SCN9A: variants seen among roughly 807,000 people sequenced by gnomAD.
SCN9A encodes the protein sodium voltage-gated channel alpha subunit 9, also known as sodium channel protein type 9 subunit alpha.
In SCN9A, 131 loss-of-function variants were observed where a neutral mutation model predicts 187.0. The ratio of observed to expected loss-of-function variants is 0.70; its 90% CI spans 0.61 to 0.81. SCN9A has a LOEUF of 0.81. Ranked by LOEUF, SCN9A falls within the 30% of genes least tolerant of loss-of-function variation. The probability of loss-of-function intolerance (pLI) is 0.00; values close to 1 mark genes in which losing one functional copy is unlikely to be tolerated. For missense variants in SCN9A, 2,252 were observed against 2,396.6 expected (o/e 0.94, Z 1.26); for synonymous variants, 809 against 808.6 (o/e 1.00, Z -0.01).
intron 1 of SCN9A, among the ~76,000 whole-genome samples, chr2:166,353,578 G>A (rs933614472): frequency 2.6e-5 from 4 of 152,100 alleles, no homozygotes; most frequent in Non-Finnish European, 5.9e-5. Flanking sequence ...TCCTCATAAT[G>A]TTCCCTTTAT....
chr2:166,302,005 A>G (rs1698574925), intron 7 of SCN9A: 1 of 150,888 alleles, frequency 6.6e-6, no homozygotes, highest in Admixed American at 6.6e-5. Flanking sequence ...ATTTGATTTT[A>G]TTTATCACAG....
At position 166,204,085 on chromosome 2, in the gene SCN9A, A is replaced by T. The variant is rs760223644; in HGVS notation, c.4644T>A (p.Tyr1548Ter). The T allele has an allele frequency of 6.2e-7, 1 of 1,612,674 alleles. No homozygotes were observed. The highest frequency in any genetic ancestry group is 8.5e-7 in the Non-Finnish European group (1 of 1,179,162). ...GGATTATAAAAACCACATTTATCCAATATAAAACTTCAGTCATATGTTGAC... is the reference window on the plus strand; with the variant it reads ...GGATTATAAAAACCACATTTATCCATTATAAAACTTCAGTCATATGTTGAC... ...GQSQHMTEVL[Y>*]WINVVFIILF... Residue 1548 changes from tyrosine to a stop codon, truncating the protein, a stop_gained, in exon 26 of 27, where the codon TAT becomes TAA. Transcript: ENST00000642356. LOFTEE classifies it high-confidence loss of function.
chr2:166,218,391 C>T (rs1348533352), intron 24 of SCN9A, among the ~76,000 whole-genome samples: 1 of 151,374 alleles, frequency 6.6e-6, no homozygotes, highest in Admixed American at 6.7e-5. Flanking sequence ...CACATGTACC[C>T]TAGAACTTAA....
chr2:166,206,529 T>A (rs1198314598), intron 24 of SCN9A, among the ~76,000 whole-genome samples: 1 of 151,976 alleles, frequency 6.6e-6, no homozygotes, highest in Non-Finnish European at 1.5e-5. Flanking sequence ...TTGGGAGCTT[T>A]GGGAGGGATT....
chr2:166,202,879 T>C (rs958038079), intron 26 of SCN9A, among the ~76,000 whole-genome samples: 2 of 151,844 alleles, frequency 1.3e-5, no homozygotes, highest in African/African-American at 4.8e-5. Flanking sequence ...ACAAGTTCTT[T>C]CATTATATGA....
rs1442097437 is a variant in SCN9A, at chr2:166,293,388, A to G, written c.966-16T>C. The G allele has an allele frequency of 6.3e-7, 1 of 1,593,126 alleles. No individual in the cohort carries two copies. The highest frequency in any genetic ancestry group is 1.1e-5 in the South Asian group (1 of 87,068). On this transcript the variant is annotated splice_polypyrimidine_tract_variant and intron_variant, in intron 8 of 26. Transcript: ENST00000642356. ...TGGACACTGACTACACACGAGAAAG[A>G]ACATTATAGGTGAGAGTGTCTTCAG...
intron 26 of SCN9A, among the ~76,000 whole-genome samples, chr2:166,203,638 T>C (rs960230502): frequency 1.3e-5 from 2 of 151,962 alleles, no homozygotes; most frequent in East Asian, 1.9e-4. Flanking sequence ...AGATTCAACA[T>C]TGGTTTTCCA....
intron 24 of SCN9A, among the ~76,000 whole-genome samples, chr2:166,223,042 A>G (rs184573706): frequency 2.2e-3 from 298 of 134,570 alleles, no homozygotes; most frequent in African/African-American, 7.8e-3. Flanking sequence ...AACAAAAACA[A>G]AAACCACCCA....
chr2:166,201,415 T>C (rs1019732847), intron 26 of SCN9A, among the ~76,000 whole-genome samples: 3 of 146,758 alleles, frequency 2.0e-5, no homozygotes, highest in Non-Finnish European at 4.5e-5. Context: ...ATATAGCATA[T>C]AGTATGCATA....
At chr2:166,333,806 T>C (rs1699566912) in intron 1 of SCN9A, among the ~76,000 whole-genome samples, 1 of 152,014 alleles carries the variant, frequency 6.6e-6, no homozygotes. Flanking sequence ...ATAAAATACA[T>C]TTCAAAATAT....
rs1693272557 is a variant in SCN9A at position 166,197,260 on chromosome 2, C to A, written c.*1412G>T. The A allele has an allele frequency of 6.6e-6, 1 of 152,010 alleles. No homozygotes were observed. The highest frequency in any genetic ancestry group is 2.4e-5 in the African/African-American group (1 of 41,426). The allele number at this position is 152,010 out of a possible 1,614,324, so 9.4% of individuals were successfully genotyped here. On this transcript the variant is annotated 3_prime_UTR_variant, in exon 27 of 27. Coordinates refer to ENST00000642356, the MANE Select transcript of SCN9A (RefSeq NM_001365536.1). ...ACGAAAAAAAGCATTATGGTTATTT[C>A]TTTTCAAATTACTATTAATAGGTGT...
intron 15 of SCN9A, 64 bp downstream of exon 15, chr2:166,278,076 A>G: frequency 7.4e-7 from 1 of 1,348,606 alleles, no homozygotes. Context: ...TTTTAAAAAT[A>G]ATGCAAAACC....
chr2:166,283,493 G>A (rs535002448), intron 12 of SCN9A, among the ~76,000 whole-genome samples: 3 of 152,156 alleles, frequency 2.0e-5, no homozygotes, highest in Non-Finnish European at 2.9e-5. Context: ...ATGCAGCATA[G>A]CATAGTGAGT....
At chr2:166,222,957 A>AAAC (rs1558960912) in intron 24 of SCN9A, among the ~76,000 whole-genome samples, 6 of 146,224 alleles carry the variant, frequency 4.1e-5, no homozygotes, top group Non-Finnish European at 9.0e-5. Context: ...AAAAAAAAAA[A>AAAC]AAAAAAAAAA....
intron 17 of SCN9A, among the ~76,000 whole-genome samples, chr2:166,266,578 T>C (rs2106450105): frequency 6.7e-6 from 1 of 148,986 alleles, no homozygotes; most frequent in Non-Finnish European, 1.5e-5. Context: ...GTTAGGACTT[T>C]TTTTTTTTTT....
intron 24 of SCN9A, among the ~76,000 whole-genome samples, chr2:166,221,881 CA>C: frequency 6.6e-6 from 1 of 152,156 alleles, no homozygotes; most frequent in Middle Eastern, 3.4e-3. Flanking sequence ...AGAGGCCACT[CA>C]ACAAATAATG....
chr2:166,261,609 GA>G (rs1696511474), intron 17 of SCN9A, among the ~76,000 whole-genome samples: 1 of 151,880 alleles, frequency 6.6e-6, no homozygotes, highest in African/African-American at 2.4e-5. Flanking sequence ...TTTAAAATAT[GA>G]AAACAGAATG....
chr2:166,203,483 T>C (rs1195552063), intron 26 of SCN9A, among the ~76,000 whole-genome samples: 2 of 151,898 alleles, frequency 1.3e-5, no homozygotes, highest in Non-Finnish European at 1.5e-5. Flanking sequence ...TATTAAGCTG[T>C]AAAAAATAAA....
rs1183962696 is a variant in SCN9A at position 166,311,538 on chromosome 2, C to T, written c.219G>A (p.Glu73=). The change falls in exon 2 of 27, where the codon GAG becomes GAA. Residue 73 remains glutamate (E), a synonymous_variant. Coordinates refer to ENST00000642356, the MANE Select transcript of SCN9A (RefSeq NM_001365536.1). ...AGTAGGGGTCCAAGTCCTCCAGGGG[C>T]TCTGACACCATGCCGGGAGGAATGT... ...YGDIPPGMVS[E]PLEDLDPYYA... 2 of 1,612,442 alleles carry T rather than the reference C, an allele frequency of 1.2e-6. No homozygotes were observed. Among genetic ancestry groups the T allele is most frequent in the East Asian group, 2.2e-5 (1 of 44,800 alleles).
Sources: gnomAD v4.1 joint callset for allele counts (sites outside exome capture counted in the v4.1 genomes callset) on GRCh38, gnomAD v4.1.1 for gene constraint, MANE v1.5 for transcripts, NCBI Gene and HGNC (gene_info 2026-07-23, HGNC 2026-07-21) for gene names.